PLXNA4: variants seen among roughly 807,000 people sequenced by gnomAD.
PLXNA4 encodes the protein plexin-A4.
In PLXNA4, 44 loss-of-function variants were observed where a neutral mutation model predicts 191.8. The observed-to-expected ratio is 0.23, with a 90% confidence interval of 0.18 to 0.29. PLXNA4 has a LOEUF of 0.29. Among genes scored for constraint, PLXNA4 ranks in the 10% least tolerant of loss-of-function variants. The pLI is 1.00. For synonymous variants in PLXNA4, 1,082 were observed against 1,009.5 expected, an observed-to-expected ratio of 1.07 and a Z score of -1.36; for missense variants, 1,800 against 2,488.8, an observed-to-expected ratio of 0.72 and a Z score of 5.89.
At chr7:132,443,229 C>T (rs1398999646) in intron 3 of PLXNA4, among the ~76,000 whole-genome samples, 2 of 152,122 alleles carry the variant, frequency 1.3e-5, no homozygotes, top group African/African-American at 2.4e-5. Context: ...CTTTTTGTGG[C>T]CATGTTCCTA....
At chr7:132,154,390 G>C (rs1307982488) in intron 25 of PLXNA4, among the ~76,000 whole-genome samples, 2 of 147,860 alleles carry the variant, frequency 1.4e-5, no homozygotes. Flanking sequence ...GGGAGCAGGA[G>C]GGGTGACATC....
At chr7:132,152,282 C>A (rs927731468) in intron 25 of PLXNA4, among the ~76,000 whole-genome samples, 1 of 152,124 alleles carries the variant, frequency 6.6e-6, no homozygotes, top group Non-Finnish European at 1.5e-5. Flanking sequence ...CATCCCCACC[C>A]CAGAAGTAAA....
chr7:132,134,269 C>T (rs1407817404), intron 30 of PLXNA4, among the ~76,000 whole-genome samples: 1 of 152,170 alleles, frequency 6.6e-6, no homozygotes, highest in Non-Finnish European at 1.5e-5. Context: ...CTGTGTCTTT[C>T]CCAGCCCTAT....
intron 3 of PLXNA4, among the ~76,000 whole-genome samples, chr7:132,349,795 A>T (rs1803408896): frequency 6.6e-6 from 1 of 152,140 alleles, no homozygotes; most frequent in African/African-American, 2.4e-5. Context: ...AAAAAAAAAT[A>T]AAACTCCAAT....
chr7:132,204,696 G>A (rs1797554975), intron 10 of PLXNA4, among the ~76,000 whole-genome samples: 2 of 152,172 alleles, frequency 1.3e-5, no homozygotes, highest in Admixed American at 1.3e-4. Flanking sequence ...CACAGGACAT[G>A]GGAAAACACA....
chr7:132,368,371 C>T lies in PLXNA4; in HGVS notation c.1372-70149G>A, dbSNP rs142746459. On this transcript the variant is annotated intron_variant, in intron 3 of 31. Coordinates refer to ENST00000321063, the MANE Select transcript of PLXNA4 (RefSeq NM_020911.2). ...GAAGAGAGCTGGATGGGGAGGGACG[C>T]GGCTGCACCCACACAGATCCTGGCT... Among the ~76,000 whole-genome samples the T allele has an allele frequency of 6.6e-3, 1,009 of 152,224 alleles. 6 individuals carry two copies. Among genetic ancestry groups the T allele is most frequent in the Admixed American group, 0.012 (183 of 15,292 alleles).
At chr7:132,410,655 T>C (rs574609562) in intron 3 of PLXNA4, among the ~76,000 whole-genome samples, 1 of 152,314 alleles carries the variant, frequency 6.6e-6, no homozygotes, top group Admixed American at 6.5e-5. Context: ...TTCGTCTGTC[T>C]AGGCTGCCTG....
intron 21 of PLXNA4, among the ~76,000 whole-genome samples, chr7:132,170,368 T>C (rs1796247135): frequency 6.6e-6 from 1 of 152,116 alleles, no homozygotes; most frequent in African/African-American, 2.4e-5. Context: ...ATCCCGGCAC[T>C]TGGCACTTCT....
chr7:132,536,065 T>C (rs1799819321), intron 1 of PLXNA4, among the ~76,000 whole-genome samples: 1 of 152,204 alleles, frequency 6.6e-6, no homozygotes, highest in African/African-American at 2.4e-5. Context: ...ACCTTCGTCT[T>C]ATGACCTTGG....
At chr7:132,525,701 C>G (rs1423195120) in intron 1 of PLXNA4, among the ~76,000 whole-genome samples, 1 of 152,150 alleles carries the variant, frequency 6.6e-6, no homozygotes, top group Non-Finnish European at 1.5e-5. Flanking sequence ...AAACATGTCC[C>G]TTTCACCAAC....
rs150836190 is a variant in PLXNA4, at chr7:132,488,780, C to T, written c.1371+512G>A. The stretch of plus-strand genomic sequence containing the variant: ...CTCACCAGAGCAATTTTCATGTTCC[C>T]ATTGCACCCGTGGTTTTCTCAGCCC... On this transcript the variant is annotated intron_variant, in intron 3 of 31. Coordinates refer to ENST00000321063, the MANE Select transcript of PLXNA4 (RefSeq NM_020911.2). Among the ~76,000 whole-genome samples the T allele has an allele frequency of 2.8e-4, 42 of 152,276 alleles. No individual in the cohort carries two copies. The East Asian group carries it at 3.1e-3, about 11-fold the overall frequency.
At chr7:132,263,415 G>A (rs1465189091) in intron 4 of PLXNA4, among the ~76,000 whole-genome samples, 1 of 152,228 alleles carries the variant, frequency 6.6e-6, no homozygotes, top group Non-Finnish European at 1.5e-5. Flanking sequence ...TGGGGCAGCA[G>A]CCTACTGTTT....
intron 1 of PLXNA4, among the ~76,000 whole-genome samples, chr7:132,567,611 T>C (rs1801793925): frequency 6.6e-6 from 1 of 152,190 alleles, no homozygotes; most frequent in African/African-American, 2.4e-5. Context: ...CTCCACCTTA[T>C]CCTACTCCAT....
At chr7:132,490,523 TCAAGCGATCCTC>T (rs1797755911) in intron 2 of PLXNA4, among the ~76,000 whole-genome samples, 1 of 146,050 alleles carries the variant, frequency 6.8e-6, no homozygotes, top group Admixed American at 7.0e-5. Flanking sequence ...CTTACCAGGC[TCAAGCGATCCTC>T]CAACCTCAGC....
chr7:132,524,048 T>A (rs528540422), intron 1 of PLXNA4, among the ~76,000 whole-genome samples: 1 of 152,162 alleles, frequency 6.6e-6, no homozygotes, highest in African/African-American at 2.4e-5. Context: ...CCTAGGAGGA[T>A]GCTAATGTCA....
chr7:132,328,112 C>T (rs1257686727), intron 3 of PLXNA4, among the ~76,000 whole-genome samples: 3 of 152,180 alleles, frequency 2.0e-5, no homozygotes, highest in African/African-American at 7.2e-5. Flanking sequence ...AGGCGTCTGA[C>T]CCTGCTAATG....
At chr7:132,145,048 C>T in intron 29 of PLXNA4, 71 bp downstream of exon 29, 1 of 1,608,460 alleles carries the variant, frequency 6.2e-7, no homozygotes, top group Non-Finnish European at 8.5e-7. Context: ...GGCCCAGAGT[C>T]CCACCACCAT....
At chr7:132,161,687 C>T (rs1795954243) in intron 24 of PLXNA4, among the ~76,000 whole-genome samples, 1 of 151,992 alleles carries the variant, frequency 6.6e-6, no homozygotes, top group Admixed American at 6.5e-5. Flanking sequence ...CCCGGGCGGG[C>T]ACCTAGCACC....
chr7:132,597,438 A>C (rs1256900332), intron 2 of PLXNA4, among the ~76,000 whole-genome samples: 1 of 152,200 alleles, frequency 6.6e-6, no homozygotes, highest in South Asian at 2.1e-4. Context: ...ATGTCCTTTT[A>C]CTAAATTGTA....
Sources: gnomAD v4.1 joint callset for allele counts (sites outside exome capture counted in the v4.1 genomes callset) on GRCh38, gnomAD v4.1.1 for gene constraint, MANE v1.5 for transcripts, NCBI Gene and HGNC (gene_info 2026-07-23, HGNC 2026-07-21) for gene names.